The following NIM1K variants were observed in gnomAD, a reference collection of about 807,000 sequenced individuals.
NIM1K encodes the protein serine/threonine-protein kinase NIM1.
Under a neutral mutation model 37.1 loss-of-function variants are expected in NIM1K, and 35 were observed. The observed-to-expected ratio is 0.94, with a 90% CI of 0.72 to 1.25. The LOEUF (loss-of-function observed/expected upper bound fraction) is 1.25, where lower values mean the gene tolerates loss of function less well. NIM1K is among the 50% of genes most tolerant of loss of function. NIM1K has a pLI of 0.00. For missense variants in NIM1K, 564 were observed against 548.0 expected, an observed-to-expected ratio of 1.03 and a Z score of -0.29; for synonymous variants, 234 against 206.6, an observed-to-expected ratio of 1.13 and a Z score of -1.14.
At position 43,280,810 on chromosome 5, in the gene NIM1K, A is replaced by C. The variant is rs1753432458; in HGVS notation, c.*81A>C. The stretch of plus-strand genomic sequence containing the variant: ...TTTCAAGGACAACTTGAGTGGAGAC[A>C]TTTTTGTAATTTTTAAATAAACTTA... On this transcript the variant is annotated 3_prime_UTR_variant, in exon 4 of 4. Coordinates refer to ENST00000326035, the MANE Select transcript of NIM1K (RefSeq NM_153361.4). 22 of 1,278,274 alleles carry C rather than the reference A, an allele frequency of 1.7e-5. No individual in the cohort carries two copies. In the South Asian group the frequency reaches 3.8e-4, roughly 22 times the overall value. 79.2% of individuals were successfully genotyped at this position (1,278,274 alleles called of 1,614,324 possible).
intron 1 of NIM1K, among the ~76,000 whole-genome samples, chr5:43,241,333 C>T (rs377184637): frequency 3.0e-5 from 4 of 135,228 alleles, no homozygotes; most frequent in Non-Finnish European, 1.6e-5. Context: ...TTTTCTTTTT[C>T]TTTTTTTTTT....
At chr5:43,206,824 A>C in intron 1 of NIM1K, 1 of 767,666 alleles carries the variant, frequency 1.3e-6, no homozygotes, top group Admixed American at 1.7e-5. Flanking sequence ...GAGTTGGTGC[A>C]CACCTGGAAG....
intron 2 of NIM1K, among the ~76,000 whole-genome samples, chr5:43,256,762 G>A (rs935532057): frequency 3.3e-5 from 5 of 152,234 alleles, no homozygotes; most frequent in Non-Finnish European, 7.3e-5. Flanking sequence ...AGAAGTTAAT[G>A]TATAAATACT....
chr5:43,236,454 T>TA (rs528802928), intron 1 of NIM1K, among the ~76,000 whole-genome samples: 256 of 151,268 alleles, frequency 1.7e-3, no homozygotes, highest in Non-Finnish European at 2.8e-3. Context: ...TGCCTCTAAA[T>TA]AAAAAAAAAC....
intron 2 of NIM1K, among the ~76,000 whole-genome samples, chr5:43,264,368 T>A (rs186706298): frequency 6.6e-6 from 1 of 152,340 alleles, no homozygotes; most frequent in African/African-American, 2.4e-5. Flanking sequence ...CCCTTTACCA[T>A]TATGTAATGG....
intron 1 of NIM1K, among the ~76,000 whole-genome samples, chr5:43,199,184 G>T (rs1751979853): frequency 2.3e-5 from 1 of 44,268 alleles, no homozygotes; most frequent in Non-Finnish European, 3.7e-5. Context: ...GTGAAGCTCT[G>T]TCTCCAAAAA....
chr5:43,235,382 C>G (rs1231434758), intron 1 of NIM1K, among the ~76,000 whole-genome samples: 6 of 152,200 alleles, frequency 3.9e-5, no homozygotes, highest in African/African-American at 1.4e-4. Flanking sequence ...GGGTTTGAGT[C>G]TCTTAAGCAT....
At chr5:43,224,549 G>A (rs897312269) in intron 1 of NIM1K, among the ~76,000 whole-genome samples, 1 of 151,984 alleles carries the variant, frequency 6.6e-6, no homozygotes, top group Non-Finnish European at 1.5e-5. Flanking sequence ...GTAACTGAGG[G>A]ATTGGTTTTT....
chr5:43,257,760 CT>C (rs111989907), intron 2 of NIM1K, among the ~76,000 whole-genome samples: 788 of 141,158 alleles, frequency 5.6e-3, no homozygotes, highest in Middle Eastern at 0.011. Flanking sequence ...TTTTTTATAA[CT>C]TTTTTTTTTT....
At chr5:43,227,228 C>T (rs919816729) in intron 1 of NIM1K, among the ~76,000 whole-genome samples, 3 of 151,982 alleles carry the variant, frequency 2.0e-5, no homozygotes, top group East Asian at 1.9e-4. Flanking sequence ...GGCATGGTGG[C>T]GCATGCTGGT....
At chr5:43,213,165 T>TTTTCTTTCTTTC (rs70994607) in intron 1 of NIM1K, among the ~76,000 whole-genome samples, 350 of 39,064 alleles carry the variant, frequency 9.0e-3, no homozygotes, top group African/African-American at 0.011. Flanking sequence ...TTCTTTCTTT[T>TTTTCTTTCTTTC]TTTCTTTCTT....
rs543927168 is a variant in NIM1K at position 43,277,261 on chromosome 5, G to A, written c.497G>A (p.Gly166Glu). ...CTCTTCGGAAAAATTAGCACTGAGG[G>A]GAAGCTCTCTGAACCAGAAAGCAAG... is the stretch of plus-strand genomic sequence containing the variant. ...GELFGKISTE[G>E]KLSEPESKLI... The change falls in exon 3 of 4, where the codon GGG (glycine) becomes GAG (glutamate). Residue 166 changes from glycine to glutamate, a missense_variant. Transcript: ENST00000326035. 6.2e-7 allele frequency: 1 copy of A among 1,614,014 alleles called. No individual in the cohort carries two copies. Among genetic ancestry groups the A allele is most frequent in the African/African-American group, 1.3e-5 (1 of 74,966 alleles).
chr5:43,227,753 T>G (rs1481965801), intron 1 of NIM1K, among the ~76,000 whole-genome samples: 3 of 152,212 alleles, frequency 2.0e-5, no homozygotes, highest in Non-Finnish European at 4.4e-5. Context: ...ATTAATCTCA[T>G]CCATGTGGAT....
intron 1 of NIM1K, among the ~76,000 whole-genome samples, chr5:43,205,941 T>C (rs1056066707): frequency 5.3e-5 from 8 of 152,094 alleles, no homozygotes; most frequent in African/African-American, 1.9e-4. Context: ...CTCGATCTTC[T>C]GACCTTGTGA....
intron 1 of NIM1K, among the ~76,000 whole-genome samples, chr5:43,216,441 A>G (rs1004541789): frequency 6.6e-6 from 1 of 152,240 alleles, no homozygotes; most frequent in African/African-American, 2.4e-5. Flanking sequence ...ATCTCTTGAG[A>G]TGAGTGCGTT....
At chr5:43,228,305 C>T (rs1484169230) in intron 1 of NIM1K, among the ~76,000 whole-genome samples, 1 of 151,956 alleles carries the variant, frequency 6.6e-6, no homozygotes, top group Non-Finnish European at 1.5e-5. Flanking sequence ...CGCCACCACA[C>T]CTGGCTAATT....
At chr5:43,270,325 G>A (rs1257514773) in intron 2 of NIM1K, among the ~76,000 whole-genome samples, 2 of 152,156 alleles carry the variant, frequency 1.3e-5, no homozygotes, top group Admixed American at 1.3e-4. Flanking sequence ...CTGCTCTTTA[G>A]TATATGAGAG....
At position 43,280,461 on chromosome 5, in the gene NIM1K, G is replaced by A; in HGVS notation, c.1043G>A (p.Ser348Asn). The A allele has an allele frequency of 6.2e-7, 1 of 1,614,158 alleles. No individual in the cohort carries two copies. Among genetic ancestry groups the A allele is most frequent in the Non-Finnish European group, 8.5e-7 (1 of 1,180,032 alleles). ...GATCCCAAACATTTGTCGGAAACCA[G>A]CACTCTCAAGGAAGAAGAAAATGAG... ...QLDPKHLSET[S>N]TLKEEENEVK... is the part of the protein sequence containing the mutation. The change falls in exon 4 of 4, where the codon AGC becomes AAC. Residue 348 changes from serine to asparagine, a missense_variant. Physicochemically the swap from Ser to Asn is conservative, Grantham distance 46 (BLOSUM62 1). Transcript: ENST00000326035.
chr5:43,214,543 CGGT>C (rs1486573293), intron 1 of NIM1K, among the ~76,000 whole-genome samples: 9 of 152,196 alleles, frequency 5.9e-5, no homozygotes, highest in Admixed American at 3.3e-4. Flanking sequence ...TTGCCGGGCG[CGGT>C]GGCTTACGCC....
Sources: gnomAD v4.1 joint callset for allele counts (sites outside exome capture counted in the v4.1 genomes callset) on GRCh38, gnomAD v4.1.1 for gene constraint, MANE v1.5 for transcripts, NCBI Gene and HGNC (gene_info 2026-07-23, HGNC 2026-07-21) for gene names.